The following DEPTOR variants were observed in gnomAD, a reference collection of about 807,000 sequenced individuals.
DEPTOR encodes the protein DEP domain-containing mTOR-interacting protein.
In DEPTOR, 41 loss-of-function variants were observed where a neutral mutation model predicts 41.6. The observed-to-expected ratio is 0.98, with a 90% CI of 0.77 to 1.28. The LOEUF (loss-of-function observed/expected upper bound fraction) is 1.28. Ranked by LOEUF, DEPTOR falls within the 50% of genes most tolerant of loss-of-function variation. The pLI, the probability that DEPTOR is intolerant of heterozygous loss-of-function variation, is 0.00. For missense variants in DEPTOR, 514 were observed against 527.9 expected, an observed-to-expected ratio of 0.97 and a Z score of 0.26; for synonymous variants, 195 against 192.3, an observed-to-expected ratio of 1.01 and a Z score of -0.12.
intron 1 of DEPTOR, among the ~76,000 whole-genome samples, chr8:119,883,739 C>T (rs936339630): frequency 3.9e-5 from 6 of 152,134 alleles, no homozygotes; most frequent in African/African-American, 1.4e-4. Flanking sequence ...TATCTCCCTG[C>T]AATACTTTTA....
intron 1 of DEPTOR, among the ~76,000 whole-genome samples, chr8:119,919,067 T>C (rs28546392): frequency 0.28 from 42,575 of 152,032 alleles, 6,411 homozygotes; most frequent in Middle Eastern, 0.4. Context: ...TTCCTTCTTA[T>C]TTCTATCTGT....
chr8:120,001,388 G>A, intron 4 of DEPTOR, 137 bp from the exon 5 acceptor site: 4 of 707,918 alleles, frequency 5.7e-6, no homozygotes, highest in East Asian at 2.9e-5. Context: ...GCGGATGGGC[G>A]GCAGCTCATG....
intron 3 of DEPTOR, among the ~76,000 whole-genome samples, chr8:119,938,558 G>T (rs1490803792): frequency 6.6e-6 from 1 of 152,012 alleles, no homozygotes; most frequent in African/African-American, 2.4e-5. Flanking sequence ...TGTTGCCCGG[G>T]CTGGAGTACA....
At chr8:119,942,481 C>G (rs964457868) in intron 3 of DEPTOR, among the ~76,000 whole-genome samples, 1 of 152,194 alleles carries the variant, frequency 6.6e-6, no homozygotes, top group African/African-American at 2.4e-5. Flanking sequence ...GCTGGGATTA[C>G]AGGCGTGAGC....
chr8:119,918,318 T>C (rs1265875413), intron 1 of DEPTOR, among the ~76,000 whole-genome samples: 2 of 152,210 alleles, frequency 1.3e-5, no homozygotes, highest in African/African-American at 4.8e-5. Flanking sequence ...AGAGGTTGCA[T>C]AGAACTTTGC....
At chr8:119,971,368 A>C (rs1230787481) in intron 4 of DEPTOR, among the ~76,000 whole-genome samples, 1 of 152,216 alleles carries the variant, frequency 6.6e-6, no homozygotes, top group Non-Finnish European at 1.5e-5. Context: ...AATGGGGTAC[A>C]GAGGCTACCT....
At chr8:119,938,601 C>G (rs897608014) in intron 3 of DEPTOR, among the ~76,000 whole-genome samples, 1 of 152,110 alleles carries the variant, frequency 6.6e-6, no homozygotes, top group Non-Finnish European at 1.5e-5. Context: ...CAATCTCTGC[C>G]TCCTGGGTTC....
intron 3 of DEPTOR, among the ~76,000 whole-genome samples, chr8:119,939,440 G>A (rs1828172999): frequency 6.6e-6 from 1 of 152,200 alleles, no homozygotes; most frequent in African/African-American, 2.4e-5. Flanking sequence ...TGAACACAGA[G>A]CTATTGGAAA....
intron 3 of DEPTOR, among the ~76,000 whole-genome samples, chr8:119,932,508 C>A (rs570224303): frequency 6.6e-6 from 1 of 152,320 alleles, no homozygotes; most frequent in Non-Finnish European, 1.5e-5. Flanking sequence ...ATGGGCCAGT[C>A]ACACAGCACT....
At chr8:119,939,488 A>G (rs764957275) in intron 3 of DEPTOR, among the ~76,000 whole-genome samples, 2 of 152,146 alleles carry the variant, frequency 1.3e-5, no homozygotes, top group Non-Finnish European at 2.9e-5. Context: ...ATCTATTAGT[A>G]TGGCTTTTTT....
chr8:120,050,289 T>C lies in DEPTOR; in HGVS notation c.*585T>C, dbSNP rs193275717. 10 of 150,838 alleles carry C rather than the reference T, an allele frequency of 6.6e-5. No individual in the cohort carries two copies. The highest frequency in any genetic ancestry group is 2.4e-4 in the African/African-American group (10 of 40,948). 9.3% of individuals were successfully genotyped at this position (150,838 alleles called of 1,614,324 possible). A position where few individuals can be genotyped will look rare whatever the true frequency, so the allele number is the denominator to read the frequency against. ...CCTTTAGTGTCAACTTTTAAGTTAA[T>C]ACAGGTTTCAATTGTGGCATTAGGA... On this transcript the variant is annotated 3_prime_UTR_variant, in exon 9 of 9. Transcript: ENST00000286234.
chr8:119,945,301 T>C (rs1484050775), intron 3 of DEPTOR, among the ~76,000 whole-genome samples: 1 of 152,222 alleles, frequency 6.6e-6, no homozygotes, highest in East Asian at 1.9e-4. Context: ...TCACTCTATT[T>C]GTGTTTATTG....
intron 8 of DEPTOR, among the ~76,000 whole-genome samples, chr8:120,010,352 T>C (rs1586656679): frequency 6.6e-6 from 1 of 151,504 alleles, no homozygotes; most frequent in African/African-American, 2.4e-5. Context: ...TGGTGGCTCA[T>C]GCCTGTAATT....
At chr8:119,933,985 T>A (rs1431820126) in intron 3 of DEPTOR, among the ~76,000 whole-genome samples, 1 of 152,164 alleles carries the variant, frequency 6.6e-6, no homozygotes, top group Admixed American at 6.6e-5. Flanking sequence ...GTTCAAGCGA[T>A]TCTCATGCCT....
chr8:119,958,642 TGTG>T (rs1338336457), intron 3 of DEPTOR, among the ~76,000 whole-genome samples: 8 of 151,818 alleles, frequency 5.3e-5, no homozygotes, highest in African/African-American at 1.7e-4. Flanking sequence ...ATTAGCCAGG[TGTG>T]GTGGCATGCA....
At chr8:119,989,913 T>G (rs1359874639) in intron 4 of DEPTOR, among the ~76,000 whole-genome samples, 3 of 152,208 alleles carry the variant, frequency 2.0e-5, no homozygotes, top group Non-Finnish European at 1.5e-5. Flanking sequence ...GGTTTAATTA[T>G]TTTGCCAATA....
At chr8:119,960,996 A>G (rs1024432030) in intron 3 of DEPTOR, among the ~76,000 whole-genome samples, 4 of 151,976 alleles carry the variant, frequency 2.6e-5, no homozygotes, top group African/African-American at 7.3e-5. Flanking sequence ...GAAAGAAAGA[A>G]AGAAAGAAAA....
chr8:120,012,663 A>G (rs1380780834), intron 8 of DEPTOR, among the ~76,000 whole-genome samples: 2 of 152,056 alleles, frequency 1.3e-5, no homozygotes, highest in Non-Finnish European at 2.9e-5. Context: ...CAGTCTCCCA[A>G]GTAGCTGGGA....
chr8:120,032,583 C>T (rs373759798), intron 8 of DEPTOR, among the ~76,000 whole-genome samples: 5 of 152,290 alleles, frequency 3.3e-5, no homozygotes, highest in Admixed American at 6.5e-5. Context: ...GTGATGAAGG[C>T]TGTGACCTTG....
Sources: allele counts gnomAD v4.1 joint callset (sites outside exome capture counted in the v4.1 genomes callset), GRCh38; gene constraint gnomAD v4.1.1; transcripts MANE v1.5; gene names NCBI Gene and HGNC (gene_info 2026-07-23, HGNC 2026-07-21).